The following MAP4K4 variants were observed in gnomAD, a reference collection of about 807,000 sequenced individuals.
The protein encoded by MAP4K4 is mitogen-activated protein kinase kinase kinase kinase 4, also known as HPK/GCK-like kinase HGK.
MAP4K4 carries 38 observed loss-of-function variants against 189.6 expected under a neutral mutation model. That is an observed-to-expected ratio of 0.20 (90% CI 0.15 to 0.26). MAP4K4 has a LOEUF of 0.26. MAP4K4 is among the 10% of genes least tolerant of loss of function. The pLI, the probability that MAP4K4 is intolerant of heterozygous loss-of-function variation, is 1.00. For missense variants in MAP4K4, 1,054 were observed against 1,726.9 expected, an observed-to-expected ratio of 0.61 and a Z score of 6.91; for synonymous variants, 610 against 624.3, an observed-to-expected ratio of 0.98 and a Z score of 0.34.
intron 2 of MAP4K4, among the ~76,000 whole-genome samples, chr2:101,704,735 T>A (rs2041353557): frequency 6.6e-6 from 1 of 151,388 alleles, no homozygotes; most frequent in African/African-American, 2.4e-5. Context: ...AATTTTTGTA[T>A]TTTTAGTAGA....
At chr2:101,865,825 A>G (rs1365735968) in intron 18 of MAP4K4, among the ~76,000 whole-genome samples, 1 of 152,234 alleles carries the variant, frequency 6.6e-6, no homozygotes, top group Non-Finnish European at 1.5e-5. Context: ...ATAGCCCAAA[A>G]GCTGCACAGA....
intron 2 of MAP4K4, among the ~76,000 whole-genome samples, chr2:101,709,943 T>C (rs1221102725): frequency 6.6e-6 from 1 of 152,242 alleles, no homozygotes; most frequent in Non-Finnish European, 1.5e-5. Context: ...AGTAATAGTT[T>C]ATTTTTTGAA....
chr2:101,797,734 A>G (rs987738878), intron 3 of MAP4K4, among the ~76,000 whole-genome samples: 1 of 152,008 alleles, frequency 6.6e-6, no homozygotes, highest in Non-Finnish European at 1.5e-5. Flanking sequence ...GTTAAAATCA[A>G]CTACATTTTA....
At chr2:101,803,245 A>ATGATGTGTGTGTG (rs1553484242) in intron 3 of MAP4K4, among the ~76,000 whole-genome samples, 28 of 150,356 alleles carry the variant, frequency 1.9e-4, no homozygotes, top group Admixed American at 7.2e-4. Flanking sequence ...GATGATGATG[A>ATGATGTGTGTGTG]TGTGTGTGTG....
intron 3 of MAP4K4, among the ~76,000 whole-genome samples, chr2:101,814,804 A>G (rs1171828769): frequency 2.0e-5 from 3 of 152,202 alleles, no homozygotes; most frequent in Non-Finnish European, 4.4e-5. Flanking sequence ...CATGAAACAT[A>G]TGAAAATAAT....
chr2:101,786,414 AC>A (rs907863336), intron 2 of MAP4K4, among the ~76,000 whole-genome samples: 8 of 152,058 alleles, frequency 5.3e-5, no homozygotes, highest in Admixed American at 1.3e-4. Flanking sequence ...TAAAAAAAAA[AC>A]ATACATTTTC....
chr2:101,732,175 G>C (rs567481090), intron 2 of MAP4K4, among the ~76,000 whole-genome samples: 37 of 152,208 alleles, frequency 2.4e-4, no homozygotes, highest in African/African-American at 8.9e-4. Flanking sequence ...AGAAGTAGCT[G>C]GTGTGTAATT....
intron 3 of MAP4K4, among the ~76,000 whole-genome samples, chr2:101,814,885 G>GGT (rs1372628217): frequency 6.6e-6 from 1 of 152,152 alleles, no homozygotes; most frequent in Non-Finnish European, 1.5e-5. Context: ...GAAAAGGTAA[G>GGT]GTAAACCATG....
At chr2:101,805,583 A>C (rs1036664981) in intron 3 of MAP4K4, among the ~76,000 whole-genome samples, 2 of 152,226 alleles carry the variant, frequency 1.3e-5, no homozygotes, top group African/African-American at 4.8e-5. Context: ...TACCTAGTTT[A>C]GGAAATTCTG....
chr2:101,839,733 C>T, intron 9 of MAP4K4, 86 bp from the exon 10 acceptor site: 1 of 1,019,944 alleles, frequency 9.8e-7, no homozygotes, highest in Non-Finnish European at 1.4e-6. Context: ...TGAAGCTCTT[C>T]TTTATGTTGA....
chr2:101,803,039 G>T (rs1380124350), intron 3 of MAP4K4, among the ~76,000 whole-genome samples: 1 of 152,196 alleles, frequency 6.6e-6, no homozygotes, highest in Non-Finnish European at 1.5e-5. Context: ...GCCCACCTCA[G>T]CCTCCCAAAG....
chr2:101,889,204 G>T (rs2098530806), intron 32 of MAP4K4, among the ~76,000 whole-genome samples: 1 of 152,112 alleles, frequency 6.6e-6, no homozygotes. Flanking sequence ...ACCAGTCTAG[G>T]CTATAATTAG....
At chr2:101,888,056 T>A in intron 31 of MAP4K4, 119 bp downstream of exon 31, 2 of 776,352 alleles carry the variant, frequency 2.6e-6, no homozygotes, top group Non-Finnish European at 3.9e-6. Flanking sequence ...TTGAACAGAG[T>A]AGTTGGCAGT....
intron 10 of MAP4K4, among the ~76,000 whole-genome samples, 156 bp from the exon 11 acceptor site, chr2:101,842,453 G>T (rs1335993586): frequency 1.3e-5 from 2 of 152,166 alleles, no homozygotes; most frequent in East Asian, 3.9e-4. Context: ...TGAGAATGTG[G>T]TGTCTTGCCC....
In MAP4K4 at chr2:101,882,776, T is replaced by G. The variant is rs1192497573; in HGVS notation, c.3520+91T>G. ...AAATTTTCACAGGTTTTTTGAAGTT[T>G]GTAATAATAAACTTGTTTCTGAAAC... On this transcript the variant is annotated intron_variant, in intron 28 of 32. Coordinates refer to ENST00000324219, the Ensembl canonical transcript of MAP4K4. The G allele has an allele frequency of 2.3e-6, 3 of 1,296,492 alleles. No homozygotes were observed. In the East Asian group the frequency reaches 7.2e-5, roughly 31 times the overall value. The allele number at this position is 1,296,492 out of a possible 1,614,324, so 80.3% of individuals were successfully genotyped here. A position where few individuals can be genotyped will look rare whatever the true frequency, so the allele number is the denominator to read the frequency against.
chr2:101,831,931 A>T, intron 7 of MAP4K4, 80 bp downstream of exon 7: 2 of 1,484,248 alleles, frequency 1.3e-6, no homozygotes, highest in Non-Finnish European at 1.8e-6. Flanking sequence ...TAAATTGCAC[A>T]CCCCTTGTCT....
intron 2 of MAP4K4, among the ~76,000 whole-genome samples, chr2:101,743,438 CCTGA>C (rs572010892): frequency 1.7e-3 from 251 of 151,690 alleles, no homozygotes; most frequent in African/African-American, 4.0e-3. Flanking sequence ...TTGTTAAGGC[CCTGA>C]CTGTCAGTAA....
intron 27 of MAP4K4, among the ~76,000 whole-genome samples, chr2:101,881,752 G>T (rs1293873338): frequency 6.6e-6 from 1 of 152,128 alleles, no homozygotes; most frequent in Admixed American, 6.5e-5. Flanking sequence ...ATTGGGTTTT[G>T]TCAAATGTTT....
intron 2 of MAP4K4, among the ~76,000 whole-genome samples, chr2:101,731,169 T>C (rs529325171): frequency 1.3e-5 from 2 of 151,994 alleles, no homozygotes; most frequent in Non-Finnish European, 2.9e-5. Context: ...CAGGCTGGAG[T>C]GCAGTGGCGC....
Sources: gnomAD v4.1 joint callset for allele counts (sites outside exome capture counted in the v4.1 genomes callset) on GRCh38, gnomAD v4.1.1 for gene constraint, MANE v1.5 for transcripts, NCBI Gene and HGNC (gene_info 2026-07-23, HGNC 2026-07-21) for gene names.